TTC28: variants seen among roughly 807,000 people sequenced by gnomAD.
TTC28 encodes tetratricopeptide repeat domain 28, also known as tetratricopeptide repeat protein 28.
Under a neutral mutation model 198.0 loss-of-function variants are expected in TTC28, and 61 were observed. The observed-to-expected ratio is 0.31, with a 90% CI of 0.25 to 0.38. TTC28 has a LOEUF of 0.38. Among genes scored for constraint, TTC28 ranks in the 10% least tolerant of loss-of-function variants. The pLI, the probability that TTC28 is intolerant of heterozygous loss-of-function variation, is 1.00. For synonymous variants in TTC28, 1,171 were observed against 1,297.8 expected, an observed-to-expected ratio of 0.90 and a Z score of 2.10; for missense variants, 2,678 against 3,164.0, an observed-to-expected ratio of 0.85 and a Z score of 3.69.
intron 17 of TTC28, 110 bp from the exon 18 acceptor site, chr22:27,993,628 C>T: frequency 9.2e-7 from 1 of 1,084,214 alleles, no homozygotes. Context: ...ACTGCTGCAA[C>T]CCCACATAGC....
intron 5 of TTC28, among the ~76,000 whole-genome samples, chr22:28,176,592 A>G (rs1923185395): frequency 6.6e-6 from 1 of 152,240 alleles, no homozygotes; most frequent in Admixed American, 6.5e-5. Context: ...CCACAAATAA[A>G]TGATAAATGC....
intron 2 of TTC28, among the ~76,000 whole-genome samples, chr22:28,483,847 G>C (rs191929682): frequency 2.0e-5 from 3 of 152,330 alleles, no homozygotes; most frequent in Admixed American, 2.0e-4. Flanking sequence ...CCCAGTTCTA[G>C]TTCCTGCTTT....
At chr22:28,510,024 G>C (rs935410437) in intron 2 of TTC28, among the ~76,000 whole-genome samples, 1 of 152,112 alleles carries the variant, frequency 6.6e-6, no homozygotes, top group Non-Finnish European at 1.5e-5. Context: ...TTCTGAAATT[G>C]AGGCAGAAAT....
At chr22:28,549,915 A>G (rs1002578959) in intron 2 of TTC28, among the ~76,000 whole-genome samples, 7 of 152,322 alleles carry the variant, frequency 4.6e-5, no homozygotes, top group African/African-American at 1.7e-4. Flanking sequence ...TTAAATCTCC[A>G]AACTTCTAAA....
At chr22:28,334,013 CA>C (rs766564094) in intron 2 of TTC28, among the ~76,000 whole-genome samples, 762 of 132,008 alleles carry the variant, frequency 5.8e-3, no homozygotes, top group Non-Finnish European at 8.2e-3. Context: ...CCCCCCACCC[CA>C]CAACAGACCC....
intron 5 of TTC28, among the ~76,000 whole-genome samples, chr22:28,192,175 A>C (rs1051898778): frequency 1.3e-5 from 2 of 152,194 alleles, no homozygotes; most frequent in Admixed American, 1.3e-4. Context: ...ACCCAGGCAA[A>C]CAGGGTCTGG....
chr22:28,657,285 G>A (rs542303201), intron 1 of TTC28, among the ~76,000 whole-genome samples: 51 of 152,276 alleles, frequency 3.3e-4, no homozygotes, highest in African/African-American at 1.0e-3. Flanking sequence ...TAAATCTAAA[G>A]TAGCCTTTGA....
At chr22:28,450,689 T>A (rs2047766146) in intron 2 of TTC28, among the ~76,000 whole-genome samples, 1 of 152,290 alleles carries the variant, frequency 6.6e-6, no homozygotes, top group Admixed American at 6.5e-5. Flanking sequence ...GAAATAATGC[T>A]CATGTGTTTC....
intron 2 of TTC28, among the ~76,000 whole-genome samples, chr22:28,475,979 G>A (rs375742183): frequency 2.0e-5 from 3 of 151,978 alleles, no homozygotes; most frequent in Admixed American, 6.6e-5. Context: ...GCCTCATTTT[G>A]TCTCCATTGT....
At chr22:28,588,067 G>T (rs1308534965) in intron 2 of TTC28, among the ~76,000 whole-genome samples, 1 of 151,678 alleles carries the variant, frequency 6.6e-6, no homozygotes, top group East Asian at 1.9e-4. Context: ...GCGTGAACCC[G>T]GGAGGCAGAG....
intron 2 of TTC28, among the ~76,000 whole-genome samples, chr22:28,463,751 G>T (rs544080566): frequency 6.6e-6 from 1 of 151,874 alleles, no homozygotes; most frequent in Non-Finnish European, 1.5e-5. Context: ...ATCACACACC[G>T]GGGCCTGTTG....
chr22:28,201,751 C>CAAAAAAAA (rs34790960), intron 5 of TTC28, among the ~76,000 whole-genome samples: 1 of 81,006 alleles, frequency 1.2e-5, no homozygotes, highest in Non-Finnish European at 2.4e-5. Flanking sequence ...TTACAGAAAG[C>CAAAAAAAA]AAAAAAAAAA....
chr22:28,382,856 C>T (rs1413667983), intron 2 of TTC28, among the ~76,000 whole-genome samples: 1 of 152,166 alleles, frequency 6.6e-6, no homozygotes, highest in Non-Finnish European at 1.5e-5. Flanking sequence ...AATAACAGAA[C>T]TTCAAAATGT....
chr22:28,361,367 T>C (rs907134825), intron 2 of TTC28, among the ~76,000 whole-genome samples: 4 of 152,144 alleles, frequency 2.6e-5, no homozygotes, highest in African/African-American at 4.8e-5. Flanking sequence ...TTATTGTTGA[T>C]ATGGAGAGTT....
chr22:28,101,649 C>T (rs1387698614), intron 8 of TTC28, among the ~76,000 whole-genome samples: 2 of 151,934 alleles, frequency 1.3e-5, no homozygotes, highest in African/African-American at 2.4e-5. Flanking sequence ...GATAGCACTG[C>T]TCCCACCCAA....
At chr22:28,229,999 G>A (rs1928679124) in intron 5 of TTC28, among the ~76,000 whole-genome samples, 2 of 152,148 alleles carry the variant, frequency 1.3e-5, no homozygotes, top group Non-Finnish European at 2.9e-5. Context: ...TGGTCTCCAA[G>A]CAGAATATTT....
rs1446778616 is a variant in TTC28, at chr22:28,107,438, C to T, written c.2407G>A (p.Val803Ile). The T allele has an allele frequency of 6.4e-6, 10 of 1,551,724 alleles. No individual in the cohort carries two copies. Among genetic ancestry groups the T allele is most frequent in the South Asian group, 1.2e-5 (1 of 84,052 alleles). Residue 803 changes from valine to isoleucine, a missense_variant, in exon 7 of 23, where the codon GTC becomes ATC. Around this residue, in one of 8 missense-constraint regions of TTC28, gnomAD observed 775 missense variants for 845.9 expected, o/e 0.92. Transcript: ENST00000397906. ...GTGTATTTCCCAAGGGCCATGTAGACAGCAGCCAGGTGCCCATGAGCTCTG... is the reference window on the plus strand; with the variant it reads ...GTGTATTTCCCAAGGGCCATGTAGATAGCAGCCAGGTGCCCATGAGCTCTG... Reference protein sequence around the residue: ...ECRAHGHLAAVYMALGKYTMA... With the variant: ...ECRAHGHLAAIYMALGKYTMA...
intron 13 of TTC28, among the ~76,000 whole-genome samples, chr22:28,015,837 G>C (rs1449812021): frequency 1.3e-5 from 2 of 151,834 alleles, no homozygotes. Context: ...ATACACTGCT[G>C]AGGTTCAGTA....
chr22:28,112,769 T>C (rs1036891850), intron 6 of TTC28, among the ~76,000 whole-genome samples: 1 of 152,176 alleles, frequency 6.6e-6, no homozygotes, highest in Non-Finnish European at 1.5e-5. Context: ...GTCAGTCAGA[T>C]GAAGACTTAC....
Sources: allele counts gnomAD v4.1 joint callset (sites outside exome capture counted in the v4.1 genomes callset), GRCh38; gene constraint gnomAD v4.1.1; regional missense constraint gnomAD v4.1.1; transcripts MANE v1.5; gene names NCBI Gene and HGNC (gene_info 2026-07-23, HGNC 2026-07-21).